Variants in EEFSEC observed in about 807,000 individuals in gnomAD.
EEFSEC encodes the protein eukaryotic elongation factor, selenocysteine-tRNA specific.
Under a neutral mutation model 42.1 loss-of-function variants are expected in EEFSEC, and 43 were observed. The observed-to-expected ratio is 1.02, with a 90% CI of 0.80 to 1.32. EEFSEC has a LOEUF of 1.32. EEFSEC is among the 40% of genes most tolerant of loss of function. The probability of loss-of-function intolerance (pLI) is 0.00; values close to 1 mark genes in which losing one functional copy is unlikely to be tolerated. For missense variants in EEFSEC, 745 were observed against 803.6 expected, an observed-to-expected ratio of 0.93 and a Z score of 0.88; for synonymous variants, 354 against 339.1, an observed-to-expected ratio of 1.04 and a Z score of -0.48.
At chr3:128,242,318 A>G (rs2066080537) in intron 1 of EEFSEC, among the ~76,000 whole-genome samples, 1 of 152,162 alleles carries the variant, frequency 6.6e-6, no homozygotes, top group South Asian at 2.1e-4. Context: ...CCCTGCCTCT[A>G]AAATTAAAAA....
chr3:128,332,521 G>A (rs2067145041), intron 4 of EEFSEC, among the ~76,000 whole-genome samples: 1 of 152,160 alleles, frequency 6.6e-6, no homozygotes, highest in East Asian at 1.9e-4. Flanking sequence ...GCGCAATATC[G>A]GGTCACTGCA....
At chr3:128,325,424 T>C (rs1185522089) in intron 4 of EEFSEC, among the ~76,000 whole-genome samples, 2 of 152,202 alleles carry the variant, frequency 1.3e-5, no homozygotes, top group Non-Finnish European at 2.9e-5. Context: ...GGCTACTGAC[T>C]CTCAGTTTCC....
chr3:128,308,945 G>GT (rs2066861214), intron 4 of EEFSEC, among the ~76,000 whole-genome samples: 1 of 152,222 alleles, frequency 6.6e-6, no homozygotes, highest in Non-Finnish European at 1.5e-5. Flanking sequence ...CGTGAGGTGT[G>GT]TTTGTTTTGT....
At chr3:128,155,743 G>A (rs1289674089) in intron 1 of EEFSEC, among the ~76,000 whole-genome samples, 1 of 152,210 alleles carries the variant, frequency 6.6e-6, no homozygotes, top group African/African-American at 2.4e-5. Flanking sequence ...CTATAATGGT[G>A]AGCTTGTTAA....
chr3:128,393,304 A>G (rs116084904), intron 6 of EEFSEC, among the ~76,000 whole-genome samples: 1,650 of 152,320 alleles, frequency 0.011, 21 homozygotes, highest in African/African-American at 0.038. Context: ...CCTGGCTGCT[A>G]CAGGGACAGA....
intron 4 of EEFSEC, among the ~76,000 whole-genome samples, chr3:128,314,408 ATC>A (rs759058757): frequency 1.3e-5 from 2 of 152,130 alleles, no homozygotes; most frequent in African/African-American, 2.4e-5. Flanking sequence ...CCATGGTGGA[ATC>A]TCTGCTCACT....
intron 4 of EEFSEC, among the ~76,000 whole-genome samples, chr3:128,288,542 T>C (rs2066610070): frequency 2.0e-5 from 3 of 152,224 alleles, no homozygotes; most frequent in Admixed American, 1.3e-4. Flanking sequence ...CAGGAATCCC[T>C]TGTTGAACAA....
At chr3:128,205,714 T>C (rs1442345959) in intron 1 of EEFSEC, among the ~76,000 whole-genome samples, 1 of 152,250 alleles carries the variant, frequency 6.6e-6, no homozygotes, top group African/African-American at 2.4e-5. Flanking sequence ...CAGAGGCTTA[T>C]TCTTTGACCT....
intron 5 of EEFSEC, among the ~76,000 whole-genome samples, chr3:128,352,531 C>T (rs1327127875): frequency 2.0e-5 from 3 of 152,318 alleles, no homozygotes; most frequent in South Asian, 2.1e-4. Flanking sequence ...CAATTCCCAG[C>T]GCAACCCTCT....
At chr3:128,418,862 A>G in the EEFSEC span, among the ~76,000 whole-genome samples, 1 of 151,242 alleles carries the variant, frequency 6.6e-6, no homozygotes, top group Non-Finnish European at 1.5e-5. Context: ...GCTATTCCTC[A>G]CCCTGTCTCT....
At chr3:128,223,604 C>T (rs1297495807) in intron 1 of EEFSEC, among the ~76,000 whole-genome samples, 8 of 152,196 alleles carry the variant, frequency 5.3e-5, no homozygotes, top group Admixed American at 5.2e-4. Flanking sequence ...TACAAAATTA[C>T]AAAAGAGTGT....
intron 3 of EEFSEC, 93 bp from the exon 4 acceptor site, chr3:128,264,524 G>A: frequency 6.9e-7 from 1 of 1,438,876 alleles, no homozygotes; most frequent in Non-Finnish European, 9.5e-7. Flanking sequence ...CAGCCTTGAT[G>A]AACTGCTGGT....
chr3:128,323,729 C>G (rs1004389334), intron 4 of EEFSEC, among the ~76,000 whole-genome samples: 2 of 152,184 alleles, frequency 1.3e-5, no homozygotes, highest in Non-Finnish European at 2.9e-5. Context: ...GCACTTCCTC[C>G]CCTGAAGGAG....
intron 1 of EEFSEC, among the ~76,000 whole-genome samples, chr3:128,160,197 T>A (rs2065166661): frequency 6.6e-6 from 1 of 152,260 alleles, no homozygotes. Flanking sequence ...TTTAGGAGCT[T>A]ACATCAGAAC....
chr3:128,333,141 C>T (rs2108061320), intron 4 of EEFSEC, among the ~76,000 whole-genome samples: 1 of 152,350 alleles, frequency 6.6e-6, no homozygotes, highest in East Asian at 1.9e-4. Context: ...CAACCAGGAG[C>T]TTCCAGGCTC....
intron 1 of EEFSEC, among the ~76,000 whole-genome samples, chr3:128,160,682 ATATGT>A (rs2065175259): frequency 6.6e-6 from 1 of 152,130 alleles, no homozygotes; most frequent in African/African-American, 2.4e-5. Flanking sequence ...CCCCTGTGGA[ATATGT>A]TATTCCCAGG....
intron 6 of EEFSEC, among the ~76,000 whole-genome samples, chr3:128,370,988 A>G (rs913205526): frequency 2.0e-5 from 3 of 152,186 alleles, no homozygotes; most frequent in Non-Finnish European, 4.4e-5. Context: ...AAAGAGTGGC[A>G]TATTCTGGGA....
At chr3:128,243,437 G>C (rs1262122067) in intron 1 of EEFSEC, among the ~76,000 whole-genome samples, 1 of 152,214 alleles carries the variant, frequency 6.6e-6, no homozygotes, top group Non-Finnish European at 1.5e-5. Context: ...CTGGATAGTT[G>C]TGTATACCAA....
chr3:128,199,986 G>A (rs1018054316), intron 1 of EEFSEC, among the ~76,000 whole-genome samples: 6 of 152,028 alleles, frequency 3.9e-5, no homozygotes, highest in South Asian at 2.1e-4. Flanking sequence ...CACCCATCTC[G>A]GCCTCCCAAA....
Sources: gnomAD v4.1 joint callset for allele counts (sites outside exome capture counted in the v4.1 genomes callset) on GRCh38, gnomAD v4.1.1 for gene constraint, MANE v1.5 for transcripts, NCBI Gene and HGNC (gene_info 2026-07-23, HGNC 2026-07-21) for gene names.